CSMD1: variants seen among roughly 807,000 people sequenced by gnomAD.
The protein encoded by CSMD1 is CUB and Sushi multiple domains 1.
In CSMD1, 213 loss-of-function variants were observed where a neutral mutation model predicts 417.5. The observed-to-expected ratio is 0.51, with a 90% CI of 0.46 to 0.57. The LOEUF (loss-of-function observed/expected upper bound fraction) is 0.57, where lower values mean the gene tolerates loss of function less well. Among genes scored for constraint, CSMD1 ranks in the 20% least tolerant of loss-of-function variants. The probability of loss-of-function intolerance (pLI) is 0.00; values close to 1 mark genes in which losing one functional copy is unlikely to be tolerated. For missense variants in CSMD1, 6,923 were observed against 4,529.7 expected (o/e 1.53, Z -15.17); for synonymous variants, 2,862 against 1,736.8 (o/e 1.65, Z -16.11).
intron 5 of CSMD1, among the ~76,000 whole-genome samples, chr8:3,880,831 G>A (rs557663589): frequency 3.3e-5 from 5 of 152,170 alleles, no homozygotes; most frequent in Admixed American, 6.5e-5. Context: ...TAAAAATAAC[G>A]TAATGACCTG....
chr8:3,925,600 A>G (rs917002715), intron 5 of CSMD1, among the ~76,000 whole-genome samples: 5 of 152,042 alleles, frequency 3.3e-5, no homozygotes, highest in African/African-American at 1.2e-4. Flanking sequence ...TCTTTCCCCT[A>G]CTATTCTCGC....
At chr8:3,095,106 T>G (rs1815205642) in intron 47 of CSMD1, among the ~76,000 whole-genome samples, 1 of 152,294 alleles carries the variant, frequency 6.6e-6, no homozygotes, top group African/African-American at 2.4e-5. Flanking sequence ...AATTTGCTCC[T>G]GAAAGTAAGA....
intron 5 of CSMD1, among the ~76,000 whole-genome samples, chr8:3,765,544 T>C (rs1465965947): frequency 6.6e-6 from 1 of 152,238 alleles, no homozygotes; most frequent in African/African-American, 2.4e-5. Flanking sequence ...TTTGTAGTAT[T>C]CTGTATGCAC....
intron 37 of CSMD1, among the ~76,000 whole-genome samples, chr8:3,180,399 G>C (rs1585573115): frequency 6.6e-6 from 1 of 152,138 alleles, no homozygotes; most frequent in Non-Finnish European, 1.5e-5. Context: ...TTTGAGACTA[G>C]AAACAGAAAA....
At chr8:4,073,014 C>G (rs775503619) in intron 3 of CSMD1, among the ~76,000 whole-genome samples, 21 of 152,128 alleles carry the variant, frequency 1.4e-4, no homozygotes, top group Non-Finnish European at 2.5e-4. Flanking sequence ...TATGTAAGGA[C>G]CAACCCAATT....
At chr8:3,114,798 T>C (rs1275487135) in intron 42 of CSMD1, among the ~76,000 whole-genome samples, 2 of 152,214 alleles carry the variant, frequency 1.3e-5, no homozygotes, top group East Asian at 1.9e-4. Flanking sequence ...AAAATATGTA[T>C]GTAATAATAC....
At chr8:4,036,677 G>T (rs1355020850) in intron 3 of CSMD1, among the ~76,000 whole-genome samples, 1 of 152,224 alleles carries the variant, frequency 6.6e-6, no homozygotes, top group Admixed American at 6.5e-5. Context: ...TTCTTTTCAT[G>T]AAATTGCATT....
At chr8:3,996,902 C>T (rs555415481) in intron 5 of CSMD1, among the ~76,000 whole-genome samples, 2 of 152,296 alleles carry the variant, frequency 1.3e-5, no homozygotes, top group African/African-American at 4.8e-5. Flanking sequence ...AACAGGTGCT[C>T]ATATTTACAA....
intron 2 of CSMD1, among the ~76,000 whole-genome samples, chr8:4,627,115 A>G (rs1242779138): frequency 2.6e-5 from 4 of 152,132 alleles, no homozygotes; most frequent in African/African-American, 9.7e-5. Context: ...TTCAGTAAAC[A>G]ACTATACATT....
intron 3 of CSMD1, among the ~76,000 whole-genome samples, chr8:4,339,457 A>G (rs1015348968): frequency 2.6e-5 from 4 of 152,070 alleles, no homozygotes; most frequent in African/African-American, 9.7e-5. Flanking sequence ...CAGCTGTACA[A>G]AGCTACCGCG....
chr8:3,270,041 C>CTCT, intron 26 of CSMD1, among the ~76,000 whole-genome samples: 1 of 120,496 alleles, frequency 8.3e-6, no homozygotes, highest in South Asian at 3.1e-4. Flanking sequence ...TTTCTCTAAC[C>CTCT]TCTTCTTTTT....
At chr8:4,484,119 G>T (rs1725111) in intron 2 of CSMD1, among the ~76,000 whole-genome samples, 7 of 151,404 alleles carry the variant, frequency 4.6e-5, no homozygotes, top group Non-Finnish European at 1.0e-4. Context: ...GGGTCATGAG[G>T]TTCCACAACA....
At chr8:3,652,166 C>T (rs968708371) in intron 7 of CSMD1, among the ~76,000 whole-genome samples, 11 of 149,302 alleles carry the variant, frequency 7.4e-5, no homozygotes, top group African/African-American at 1.8e-4. Context: ...CATCAGAGCG[C>T]TTACCACCAT....
At chr8:3,648,027 T>C (rs1037110129) in intron 7 of CSMD1, among the ~76,000 whole-genome samples, 2 of 152,230 alleles carry the variant, frequency 1.3e-5, no homozygotes, top group Non-Finnish European at 2.9e-5. Context: ...GTGCAGCTAA[T>C]CAATGAACCA....
intron 20 of CSMD1, 63 bp downstream of exon 20, chr8:3,366,969 C>G (rs1390036928): frequency 4.0e-6 from 5 of 1,261,932 alleles, no homozygotes; most frequent in Middle Eastern, 1.9e-4. Context: ...CACACACATT[C>G]TCACTAACAG....
chr8:4,461,665 C>G (rs1442859996), intron 2 of CSMD1, among the ~76,000 whole-genome samples: 1 of 151,734 alleles, frequency 6.6e-6, no homozygotes, highest in East Asian at 1.9e-4. Flanking sequence ...ATCCTCCCAC[C>G]TCAGCCTGCT....
chr8:3,684,986 G>A (rs900066031), intron 7 of CSMD1, among the ~76,000 whole-genome samples: 1 of 152,072 alleles, frequency 6.6e-6, no homozygotes, highest in Admixed American at 6.6e-5. Context: ...AGTCAATACG[G>A]GAATCAATAT....
chr8:3,015,093 C>G (rs1240705392), intron 52 of CSMD1, among the ~76,000 whole-genome samples: 1 of 125,414 alleles, frequency 8.0e-6, no homozygotes, highest in Non-Finnish European at 1.8e-5. Flanking sequence ...TTAAAAGCTT[C>G]TTAATGAAAA....
At chr8:3,685,581 A>G (rs763083350) in intron 7 of CSMD1, among the ~76,000 whole-genome samples, 1 of 152,184 alleles carries the variant, frequency 6.6e-6, no homozygotes, top group Non-Finnish European at 1.5e-5. Flanking sequence ...GGAGTGAAGC[A>G]TCTGGCATCT....
Sources: allele counts gnomAD v4.1 joint callset (sites outside exome capture counted in the v4.1 genomes callset), GRCh38; gene constraint gnomAD v4.1.1; transcripts MANE v1.5; gene names NCBI Gene and HGNC (gene_info 2026-07-23, HGNC 2026-07-21).